The following KCTD3 variants were observed in gnomAD, a reference collection of about 807,000 sequenced individuals.
The protein encoded by KCTD3 is potassium channel tetramerization domain containing 3.
A neutral mutation model predicts 85.8 loss-of-function variants in KCTD3; 41 were observed. The ratio of observed to expected loss-of-function variants is 0.48; its 90% CI spans 0.37 to 0.62. The LOEUF (loss-of-function observed/expected upper bound fraction) is 0.62, where lower values mean the gene tolerates loss of function less well. Among genes scored for constraint, KCTD3 ranks in the 20% least tolerant of loss-of-function variants. The probability of loss-of-function intolerance (pLI) is 0.00; values close to 1 mark genes in which losing one functional copy is unlikely to be tolerated. For synonymous variants in KCTD3, 338 were observed against 345.4 expected, an observed-to-expected ratio of 0.98 and a Z score of 0.24; for missense variants, 724 against 989.9, an observed-to-expected ratio of 0.73 and a Z score of 3.60.
intron 4 of KCTD3, 22 bp from the exon 5 acceptor site, chr1:215,577,648 T>TA: frequency 5.9e-6 from 9 of 1,529,458 alleles, no homozygotes; most frequent in Non-Finnish European, 7.3e-6. Context: ...TTAGAGAATT[T>TA]ACATCATTTG....
chr1:215,569,895 ATTG>A (rs1296035819), intron 1 of KCTD3, among the ~76,000 whole-genome samples: 2 of 152,170 alleles, frequency 1.3e-5, no homozygotes, highest in Non-Finnish European at 2.9e-5. Context: ...ACTTCAGAAA[ATTG>A]TTAAGATAAA....
intron 9 of KCTD3, among the ~76,000 whole-genome samples, chr1:215,591,389 C>A (rs1468417687): frequency 6.6e-6 from 1 of 150,818 alleles, no homozygotes; most frequent in Non-Finnish European, 1.5e-5. Context: ...GACAGAATCT[C>A]ACTCTGTCTC....
At chr1:215,574,230 A>C in intron 3 of KCTD3, 112 bp downstream of exon 3, 1 of 601,520 alleles carries the variant, frequency 1.7e-6, no homozygotes, top group Non-Finnish European at 2.8e-6. Context: ...TAATCACTGA[A>C]TGAAAGTGGC....
At chr1:215,617,728 TG>T (rs1655508910) in intron 15 of KCTD3, among the ~76,000 whole-genome samples, 1 of 150,388 alleles carries the variant, frequency 6.6e-6, no homozygotes, top group Non-Finnish European at 1.5e-5. Context: ...GGGGCTGCAG[TG>T]GACCTGAGTG....
In KCTD3 at chr1:215,620,801, G is replaced by A. The variant is rs1339186530; in HGVS notation, c.*183G>A. 1.4e-5 allele frequency: 7 copies of A among 509,056 alleles called. No homozygotes were observed. The Admixed American group carries it at 2.7e-4, about 19-fold the overall frequency. The allele number at this position is 509,056 out of a possible 1,614,324, so 31.5% of individuals were successfully genotyped here. ...TAATCATATCTCTTTTGACATTTTG[G>A]AAATTTTTTTAATTTTACAAGTACA... is the stretch of plus-strand genomic sequence containing the variant. On this transcript the variant is annotated 3_prime_UTR_variant, in exon 18 of 18. Coordinates refer to ENST00000259154, the MANE Select transcript of KCTD3 (RefSeq NM_016121.5).
At chr1:215,601,298 A>G (rs1224343860) in intron 10 of KCTD3, among the ~76,000 whole-genome samples, 1 of 152,232 alleles carries the variant, frequency 6.6e-6, no homozygotes, top group Non-Finnish European at 1.5e-5. Flanking sequence ...ATAAATACAA[A>G]TGAGACTTTG....
Position 215,620,839 on chromosome 1 carries a change from T to C in KCTD3, c.*221T>C, listed in dbSNP as rs1655658984. On this transcript the variant is annotated 3_prime_UTR_variant, in exon 18 of 18. Transcript: ENST00000259154. The stretch of plus-strand genomic sequence containing the variant: ...TTTTACAAGTACATTTAACAGATCA[T>C]TTATAAAGCAGGAGTCCATTTTAAC... 1 of 470,998 alleles carries C rather than the reference T, an allele frequency of 2.1e-6. No homozygotes were observed. The highest frequency in any genetic ancestry group is 3.7e-6 in the Non-Finnish European group (1 of 270,334). The allele number at this position is 470,998 out of a possible 1,614,324, so 29.2% of individuals were successfully genotyped here.
intron 8 of KCTD3, among the ~76,000 whole-genome samples, chr1:215,584,854 TC>T (rs1659949963): frequency 2.0e-5 from 3 of 152,336 alleles, no homozygotes; most frequent in African/African-American, 7.2e-5. Flanking sequence ...ACAAATAGTT[TC>T]CAAATTCTGG....
intron 7 of KCTD3, 45 bp from the exon 8 acceptor site, chr1:215,579,864 C>A (rs373163179): frequency 1.4e-6 from 2 of 1,416,740 alleles, no homozygotes; most frequent in African/African-American, 1.4e-5. Flanking sequence ...AATTTGCCAA[C>A]CCCCGGTTTA....
At chr1:215,576,305 G>A (rs1571872153) in intron 4 of KCTD3, among the ~76,000 whole-genome samples, 1 of 151,928 alleles carries the variant, frequency 6.6e-6, no homozygotes, top group African/African-American at 2.4e-5. Flanking sequence ...CTGAGCTCAG[G>A]CAGTCTCCCC....
intron 1 of KCTD3, among the ~76,000 whole-genome samples, chr1:215,569,700 A>C (rs1659292700): frequency 6.7e-6 from 1 of 148,640 alleles, no homozygotes; most frequent in South Asian, 2.1e-4. Flanking sequence ...GGTTCGCGCC[A>C]TTCTCCTGTC....
At chr1:215,579,508 T>A (rs1247067418) in intron 7 of KCTD3, among the ~76,000 whole-genome samples, 1 of 152,004 alleles carries the variant, frequency 6.6e-6, no homozygotes, top group East Asian at 1.9e-4. Flanking sequence ...TATTTTTTTT[T>A]TTTTTTTTGA....
chr1:215,618,523 G>A (rs1456718922), intron 15 of KCTD3: 2 of 176,136 alleles, frequency 1.1e-5, no homozygotes. Context: ...TAGCCCTTAC[G>A]TGACTTTGGA....
intron 15 of KCTD3, 142 bp from the exon 16 acceptor site, chr1:215,618,744 A>T: frequency 3.1e-6 from 2 of 642,814 alleles, no homozygotes; most frequent in Non-Finnish European, 5.2e-6. Context: ...TTAAAGATTT[A>T]CACATAAATT....
Position 215,611,875 on chromosome 1 carries a change from C to G in KCTD3, c.1516C>G (p.Pro506Ala), listed in dbSNP as rs756081513. ...DQQVFIQKVV[P>A]ITNKLFVRLS... ...ACAGGTGTTTATCCAGAAAGTTGTT[C>G]CCATCACCAACAAACTATTTGTAAG... The change falls in exon 15 of 18, where the codon CCC becomes GCC. Residue 506 changes from proline to alanine, a missense_variant. Pro to Ala is a conservative substitution (Grantham distance 27, BLOSUM62 -1). Transcript: ENST00000259154. 6.2e-7 allele frequency: 1 copy of G among 1,609,120 alleles called. No homozygotes were observed. The highest frequency in any genetic ancestry group is 8.5e-7 in the Non-Finnish European group (1 of 1,176,670).
intron 15 of KCTD3, among the ~76,000 whole-genome samples, chr1:215,612,564 T>G (rs1655273270): frequency 1.3e-5 from 2 of 152,232 alleles, no homozygotes; most frequent in South Asian, 4.1e-4. Flanking sequence ...AGTATTCCTC[T>G]GCTTTTGTCT....
chr1:215,579,769 A>G, intron 7 of KCTD3, 140 bp from the exon 8 acceptor site: 1 of 612,472 alleles, frequency 1.6e-6, no homozygotes, highest in Non-Finnish European at 3.0e-6. Flanking sequence ...AAGTGCTGGG[A>G]TTACAGGTGT....
chr1:215,578,120 T>C, intron 6 of KCTD3, 39 bp downstream of exon 6: 1 of 1,562,568 alleles, frequency 6.4e-7, no homozygotes, highest in Non-Finnish European at 8.8e-7. Flanking sequence ...AAATTCCTTG[T>C]ATCATTAAGC....
rs1471614674 is a variant in KCTD3 at position 215,602,105 on chromosome 1, C to T, written c.1042C>T (p.Arg348Ter). ...TTTAGATATGCAGAAGTTCCCCTTG[C>T]GAATGAAAGATAATGATCTTCTTGT... ...YYIDMQKFPL[R>*]MKDNDLLVTE... is the part of the protein sequence containing the mutation. The change falls in exon 12 of 18, where the codon CGA (arginine) becomes TGA (stop). Residue 348 changes from arginine (R) to a stop codon, truncating the protein, a stop_gained. Transcript: ENST00000259154. LOFTEE classifies it high-confidence loss of function. 1.2e-6 allele frequency: 2 copies of T among 1,603,144 alleles called. No individual in the cohort carries two copies. Among genetic ancestry groups the T allele is most frequent in the African/African-American group, 1.3e-5 (1 of 74,680 alleles).
Sources: allele counts gnomAD v4.1 joint callset (sites outside exome capture counted in the v4.1 genomes callset), GRCh38; gene constraint gnomAD v4.1.1; transcripts MANE v1.5; gene names NCBI Gene and HGNC (gene_info 2026-07-23, HGNC 2026-07-21).